The following C4orf51 variants were observed in gnomAD, a reference collection of about 807,000 sequenced individuals.
The protein encoded by C4orf51 is chromosome 4 open reading frame 51.
A neutral mutation model predicts 25.2 loss-of-function variants in C4orf51; 25 were observed. That is an observed-to-expected ratio of 0.99 (90% confidence interval 0.72 to 1.39). The LOEUF (loss-of-function observed/expected upper bound fraction) is 1.39, where lower values mean the gene tolerates loss of function less well. Ranked by LOEUF, C4orf51 falls within the 40% of genes most tolerant of loss-of-function variation. The probability of loss-of-function intolerance (pLI) is 0.00; values close to 1 mark genes in which losing one functional copy is unlikely to be tolerated. For synonymous variants in C4orf51, 100 were observed against 84.5 expected (o/e 1.18, Z -1.01); for missense variants, 252 against 239.6 (o/e 1.05, Z -0.34).
intron 1 of C4orf51, chr4:145,764,603 G>A (rs1207954857): frequency 1.4e-5 from 3 of 215,284 alleles, no homozygotes; most frequent in Non-Finnish European, 2.8e-5. Flanking sequence ...GCAAGCCATC[G>A]GAAAAACAGA....
At chr4:145,701,097 C>T (rs984444309) in intron 2 of C4orf51, among the ~76,000 whole-genome samples, 6 of 152,154 alleles carry the variant, frequency 3.9e-5, no homozygotes, top group Non-Finnish European at 7.3e-5. Flanking sequence ...GCCCTAGACC[C>T]TAAAAGGTCA....
At chr4:145,774,387 T>C, downstream of C4orf51, 1 of 1,174,226 alleles carries the variant, frequency 8.5e-7, no homozygotes, top group Non-Finnish European at 1.2e-6. Context: ...AAGTCCTTCC[T>C]TCCATGGAAG....
chr4:145,684,636 G>C (rs951451629), intron 1 of C4orf51, among the ~76,000 whole-genome samples: 2 of 152,198 alleles, frequency 1.3e-5, no homozygotes, highest in South Asian at 2.1e-4. Context: ...AGGTTCATCA[G>C]TTGTAACAAA....
At chr4:145,693,672 C>CA (rs1309441369) in intron 1 of C4orf51, among the ~76,000 whole-genome samples, 1 of 100,982 alleles carries the variant, frequency 9.9e-6, no homozygotes, top group Non-Finnish European at 2.1e-5. Context: ...GCTGACCCCC[C>CA]CCACCTCCCT....
At chr4:145,779,327 T>C in the C4orf51 span, 1 of 1,589,132 alleles carries the variant, frequency 6.3e-7, no homozygotes, top group Non-Finnish European at 8.5e-7. Context: ...GTAAAGAAGT[T>C]GGTGATGGAG....
Position 145,765,610 on chromosome 4 carries a change from G to T in C4orf51, n.167-5378G>T. On this transcript the variant is annotated intron_variant and non_coding_transcript_variant, in intron 1 of 1. Coordinates refer to the C4orf51 transcript ENST00000510096. The surrounding 1 kb of genome is among the most constrained non-coding windows in gnomAD (Gnocchi z 4.7). ...CTCCCAGGCATGACAGAGATGACCA[G>T]CAGATTGTTCCCGCCCTTGTTTTTC... 1 of 1,614,128 alleles carries T rather than the reference G, an allele frequency of 6.2e-7. No homozygotes were observed. Among genetic ancestry groups the T allele is most frequent in the East Asian group, 2.2e-5 (1 of 44,874 alleles).
At chr4:145,687,773 A>C (rs1424894557) in intron 1 of C4orf51, among the ~76,000 whole-genome samples, 1 of 152,224 alleles carries the variant, frequency 6.6e-6, no homozygotes, top group Non-Finnish European at 1.5e-5. Flanking sequence ...GGGCTCATGG[A>C]AAGCCACAGG....
At chr4:145,718,552 G>A (rs1390777526) in intron 2 of C4orf51, among the ~76,000 whole-genome samples, 1 of 152,196 alleles carries the variant, frequency 6.6e-6, no homozygotes, top group Non-Finnish European at 1.5e-5. Context: ...GCAGTAAGAA[G>A]TCACTGGACT....
intron 2 of C4orf51, among the ~76,000 whole-genome samples, chr4:145,717,486 C>G (rs4586971): frequency 0.069 from 10,452 of 152,316 alleles, 479 homozygotes; most frequent in Non-Finnish European, 0.1. Flanking sequence ...CCTTGTGCTT[C>G]TTTTCCATTT....
chr4:145,788,706 A>G, the C4orf51 span, among the ~76,000 whole-genome samples: 1 of 152,188 alleles, frequency 6.6e-6, no homozygotes, highest in Non-Finnish European at 1.5e-5. Flanking sequence ...GGACCTGGTT[A>G]TTATCTTGCC....
chr4:145,727,105 C>A, intron 3 of C4orf51, 136 bp downstream of exon 3: 1 of 634,810 alleles, frequency 1.6e-6, no homozygotes. Flanking sequence ...TTCCTGAGTG[C>A]TTATTTTGTG....
chr4:145,759,525 C>T (rs1241337682), intron 1 of C4orf51: 2 of 152,254 alleles, frequency 1.3e-5, no homozygotes, highest in East Asian at 1.9e-4. Context: ...GCCAGAAGAT[C>T]GGCAAAACAC....
rs1202763341 is a variant in C4orf51 at position 145,763,170 on chromosome 4, T to C, written n.167-7818T>C. 1 of 1,527,582 alleles carries C rather than the reference T, an allele frequency of 6.5e-7. No homozygotes were observed. Among genetic ancestry groups the C allele is most frequent in the Non-Finnish European group, 8.8e-7 (1 of 1,139,484 alleles). 94.6% of individuals were successfully genotyped at this position (1,527,582 alleles called of 1,614,324 possible). ...GTATAATCTTATTTGATCTGCATTA[T>C]GAACAGGATATAGAGTACAAGCAGT... On this transcript the variant is annotated intron_variant and non_coding_transcript_variant, in intron 1 of 1. Transcript: ENST00000510096. The surrounding 1 kb of genome is among the most constrained non-coding windows in gnomAD (Gnocchi z 4.6).
At chr4:145,689,678 C>A (rs1490784382) in intron 1 of C4orf51, among the ~76,000 whole-genome samples, 1 of 151,964 alleles carries the variant, frequency 6.6e-6, no homozygotes, top group Non-Finnish European at 1.5e-5. Flanking sequence ...CAACATAGAC[C>A]AATGGCACAG....
chr4:145,689,940 C>G (rs1363462682), intron 1 of C4orf51, among the ~76,000 whole-genome samples: 1 of 143,894 alleles, frequency 6.9e-6, no homozygotes, highest in African/African-American at 2.6e-5. Context: ...CGCGGTGGCT[C>G]ACACCTGTAA....
chr4:145,696,902 TG>T (rs1730099026), intron 2 of C4orf51, among the ~76,000 whole-genome samples: 1 of 151,756 alleles, frequency 6.6e-6, no homozygotes, highest in South Asian at 2.1e-4. Flanking sequence ...CTGGGTGTGG[TG>T]GCGCATACCT....
chr4:145,772,576 C>T (rs530019439), downstream of C4orf51, among the ~76,000 whole-genome samples: 1 of 152,234 alleles, frequency 6.6e-6, no homozygotes, highest in East Asian at 1.9e-4. Context: ...ATATTGTCTA[C>T]GACTACTTTC....
rs1455888182 is a variant in C4orf51, at chr4:145,713,576, GTTC to G, written c.308-13329_308-13327del. On this transcript the variant is annotated intron_variant, in intron 2 of 5. Coordinates refer to ENST00000438731, the MANE Select transcript of C4orf51 (RefSeq NM_001080531.3). The stretch of plus-strand genomic sequence containing the variant: ...ATAATACAACTTTAATAGGTGAGGA[GTTC>G]TTCTTATGGATGAGCGAAGAAACTG... Among the ~76,000 whole-genome samples the G allele has an allele frequency of 2.6e-5, 4 of 152,266 alleles. No homozygotes were observed. The East Asian group carries it at 5.8e-4, about 22-fold the overall frequency.
At chr4:145,780,350 G>A in the C4orf51 span, among the ~76,000 whole-genome samples, 1 of 152,202 alleles carries the variant, frequency 6.6e-6, no homozygotes, top group Non-Finnish European at 1.5e-5. Context: ...AATCCTTAAT[G>A]AGGAATTTGT....
Sources: gnomAD v4.1 joint callset for allele counts (sites outside exome capture counted in the v4.1 genomes callset) on GRCh38, gnomAD v4.1.1 for gene constraint, Gnocchi (gnomAD v3.1) non-coding constraint, MANE v1.5 for transcripts, NCBI Gene and HGNC (gene_info 2026-07-23, HGNC 2026-07-21) for gene names.